The following ZFAT variants were observed in gnomAD, a reference collection of about 807,000 sequenced individuals.
ZFAT encodes zinc finger protein ZFAT.
ZFAT carries 64 observed loss-of-function variants against 117.7 expected under a neutral mutation model. That is an observed-to-expected ratio of 0.54 (90% CI 0.44 to 0.67). The LOEUF (loss-of-function observed/expected upper bound fraction) is 0.67. ZFAT is among the 30% of genes least tolerant of loss of function. The pLI is 0.00. For missense variants in ZFAT, 1,433 were observed against 1,584.5 expected (o/e 0.90, Z 1.62); for synonymous variants, 679 against 615.0 (o/e 1.10, Z -1.54).
At chr8:134,562,143 A>G (rs1019212371) in intron 11 of ZFAT, among the ~76,000 whole-genome samples, 3 of 152,188 alleles carry the variant, frequency 2.0e-5, no homozygotes, top group African/African-American at 7.2e-5. Flanking sequence ...GAGAGATGCC[A>G]TATTTCTGGC....
intron 10 of ZFAT, among the ~76,000 whole-genome samples, chr8:134,576,744 A>G (rs1057478198): frequency 6.6e-6 from 1 of 152,210 alleles, no homozygotes; most frequent in Non-Finnish European, 1.5e-5. Context: ...ATCTCTTATC[A>G]TAAATTGAAG....
intron 2 of ZFAT, among the ~76,000 whole-genome samples, chr8:134,645,032 T>TG (rs1830801675): frequency 6.6e-6 from 1 of 152,174 alleles, no homozygotes; most frequent in Non-Finnish European, 1.5e-5. Flanking sequence ...AGAATGAGCT[T>TG]GGTCCATTAG....
At chr8:134,546,609 T>C (rs1822715414) in intron 11 of ZFAT, among the ~76,000 whole-genome samples, 1 of 152,204 alleles carries the variant, frequency 6.6e-6, no homozygotes, top group African/African-American at 2.4e-5. Flanking sequence ...CTTACCTCTC[T>C]TTTATTTCTG....
At chr8:134,610,966 C>T (rs1033517429) in intron 3 of ZFAT, among the ~76,000 whole-genome samples, 9 of 152,358 alleles carry the variant, frequency 5.9e-5, no homozygotes, top group South Asian at 2.1e-4. Context: ...CATTAATAAA[C>T]AACACTGCAC....
At chr8:134,698,678 C>G (rs1319063189) in intron 1 of ZFAT, among the ~76,000 whole-genome samples, 1 of 152,148 alleles carries the variant, frequency 6.6e-6, no homozygotes, top group African/African-American at 2.4e-5. Flanking sequence ...TCCTCCCACT[C>G]AACAGAACCA....
At chr8:134,678,959 A>T (rs1563756272) in intron 1 of ZFAT, among the ~76,000 whole-genome samples, 1 of 152,244 alleles carries the variant, frequency 6.6e-6, no homozygotes, top group South Asian at 2.1e-4. Flanking sequence ...TAAAGACTTA[A>T]ATATAAGACC....
At chr8:134,487,419 C>A (rs142207072) in intron 15 of ZFAT, among the ~76,000 whole-genome samples, 1 of 152,168 alleles carries the variant, frequency 6.6e-6, no homozygotes, top group African/African-American at 2.4e-5. Context: ...GGATTCCCAT[C>A]GCATCCCTTT....
At chr8:134,821,598 TG>T in the ZFAT span, among the ~76,000 whole-genome samples, 1 of 151,684 alleles carries the variant, frequency 6.6e-6, no homozygotes, top group Non-Finnish European at 1.5e-5. Context: ...AAAAGAAGAC[TG>T]AAGTAGAACA....
chr8:134,658,891 A>T lies in ZFAT; in HGVS notation c.20-1154T>A, dbSNP rs1019736122. On this transcript the variant is annotated intron_variant, in intron 1 of 15. Coordinates refer to ENST00000377838, the MANE Select transcript of ZFAT (RefSeq NM_020863.4). ...CTGTCAGTTGCTGGAATCCATAGGA[A>T]CTTTGGGGATGGAACTTGCCTATTC... 1.3e-5 allele frequency among the ~76,000 whole-genome samples: 2 copies of T among 152,186 alleles called. 1 individual carries two copies. Among genetic ancestry groups the T allele is most frequent in the Admixed American group, 1.3e-4 (2 of 15,278 alleles).
the ZFAT span, among the ~76,000 whole-genome samples, chr8:134,774,569 TAA>T: frequency 2.6e-5 from 4 of 152,328 alleles, no homozygotes; most frequent in Admixed American, 2.6e-4. Flanking sequence ...CTTTTTAAAT[TAA>T]GATATGTACA....
chr8:134,796,580 G>A, the ZFAT span: 3 of 152,084 alleles, frequency 2.0e-5, no homozygotes, highest in Non-Finnish European at 4.4e-5. Flanking sequence ...GGAAGCACCA[G>A]GAATAAGAAA....
At chr8:134,565,562 G>A (rs1824390154) in intron 10 of ZFAT, 141 bp from the exon 11 acceptor site, 2 of 804,734 alleles carry the variant, frequency 2.5e-6, no homozygotes, top group Non-Finnish European at 4.1e-6. Flanking sequence ...CAGCGACGAG[G>A]TGCACAGGCA....
chr8:134,765,583 T>G, the ZFAT span: 1 of 152,194 alleles, frequency 6.6e-6, no homozygotes, highest in East Asian at 1.9e-4. Flanking sequence ...TGGTGCAAAT[T>G]GGATTCAGAC....
At chr8:134,501,335 C>T (rs1049607153) in intron 15 of ZFAT, among the ~76,000 whole-genome samples, 5 of 152,174 alleles carry the variant, frequency 3.3e-5, no homozygotes, top group African/African-American at 7.2e-5. Flanking sequence ...TTGAATCCAT[C>T]GTGACTCATT....
chr8:134,567,939 C>T (rs911869645), intron 10 of ZFAT, among the ~76,000 whole-genome samples: 5 of 152,238 alleles, frequency 3.3e-5, no homozygotes, highest in African/African-American at 4.8e-5. Context: ...AGGCCCCCTA[C>T]ACACTGTCCA....
intron 15 of ZFAT, among the ~76,000 whole-genome samples, chr8:134,488,755 G>A (rs1014232373): frequency 2.0e-5 from 3 of 152,120 alleles, no homozygotes; most frequent in Non-Finnish European, 4.4e-5. Flanking sequence ...GGGGAAGGTG[G>A]GGTGGGAAGC....
chr8:134,688,544 G>GA (rs1470737492), intron 1 of ZFAT, among the ~76,000 whole-genome samples: 13 of 152,300 alleles, frequency 8.5e-5, no homozygotes, highest in Admixed American at 5.2e-4. Context: ...AGGGGAGAAG[G>GA]AAGGTGGAGG....
intron 1 of ZFAT, among the ~76,000 whole-genome samples, chr8:134,700,917 C>T (rs1833993142): frequency 6.6e-6 from 1 of 152,172 alleles, no homozygotes; most frequent in Admixed American, 6.5e-5. Flanking sequence ...GCCATCACCA[C>T]AGTCAAGACA....
chr8:134,790,830 C>A, the ZFAT span, among the ~76,000 whole-genome samples: 1 of 151,774 alleles, frequency 6.6e-6, no homozygotes, highest in East Asian at 1.9e-4. Context: ...GCTCGGGCAA[C>A]ACAGTGAGAC....
Sources: gnomAD v4.1 joint callset for allele counts (sites outside exome capture counted in the v4.1 genomes callset) on GRCh38, gnomAD v4.1.1 for gene constraint, MANE v1.5 for transcripts, NCBI Gene and HGNC (gene_info 2026-07-23, HGNC 2026-07-21) for gene names.